Variants in CHST4 observed in about 807,000 individuals in gnomAD.
CHST4 encodes GST-3.
For synonymous variants in CHST4, 171 were observed against 195.5 expected (o/e 0.87, Z 1.05); for missense variants, 466 against 506.0 (o/e 0.92, Z 0.76).
rs1260089750 is a variant in CHST4 at position 71,537,184 on chromosome 16, C to T, written c.507C>T (p.Arg169=). ...QPFEVVEKAC[R]SYSHVVLKEV... is the part of the protein sequence containing the mutation. ...TTGAGGTGGTGGAGAAGGCCTGCCG[C>T]TCCTACAGCCACGTGGTGCTCAAGG... The change falls in exon 2 of 2, where the codon CGC becomes CGT. Residue 169 remains arginine, a synonymous_variant. Coordinates refer to ENST00000539698, the MANE Select transcript of CHST4 (RefSeq NM_001166395.2). This position sits in a 1 kb window ranked among gnomAD's most constrained non-coding sequence, Gnocchi z 4.2. 6.8e-6 allele frequency: 11 copies of T among 1,614,060 alleles called. No individual in the cohort carries two copies. The highest frequency in any genetic ancestry group is 9.3e-6 in the Non-Finnish European group (11 of 1,180,028).
At chr16:71,532,162 T>C (rs560062326) in intron 1 of CHST4, among the ~76,000 whole-genome samples, 24 of 151,344 alleles carry the variant, frequency 1.6e-4, no homozygotes, top group African/African-American at 5.6e-4. Flanking sequence ...GTTCTCCTGC[T>C]TCAGCCTCCC....
chr16:71,536,118 T>C (rs1362458115), intron 1 of CHST4, among the ~76,000 whole-genome samples: 1 of 152,186 alleles, frequency 6.6e-6, no homozygotes, highest in African/African-American at 2.4e-5. Context: ...AGTCCTGTGC[T>C]TAACTGCAGT....
At chr16:71,533,380 G>A (rs1247505291) in intron 1 of CHST4, among the ~76,000 whole-genome samples, 5 of 148,492 alleles carry the variant, frequency 3.4e-5, no homozygotes, top group African/African-American at 1.0e-4. Flanking sequence ...AACCGAGATC[G>A]CGCCAGTGTG....
intron 1 of CHST4, among the ~76,000 whole-genome samples, chr16:71,530,755 C>T (rs1041653378): frequency 4.7e-5 from 7 of 149,938 alleles, no homozygotes; most frequent in Admixed American, 1.3e-4. Flanking sequence ...CCCTGGGCAA[C>T]AGAGTGAGAC....
chr16:71,537,221 T>C lies in CHST4; in HGVS notation c.544T>C (p.Phe182Leu). ...SHVVLKEVRFFNLQSLYPLLK... is the reference protein window; with the variant it reads ...SHVVLKEVRFLNLQSLYPLLK... Reference sequence around the variant, plus strand: ...CGTGGTGCTCAAGGAGGTGCGCTTCTTCAACCTGCAGTCCCTCTACCCGCT... The same window carrying C: ...CGTGGTGCTCAAGGAGGTGCGCTTCCTCAACCTGCAGTCCCTCTACCCGCT... The change falls in exon 2 of 2, where the codon TTC becomes CTC. Residue 182 changes from phenylalanine (F) to leucine (L), a missense_variant. Physicochemically the swap from Phe to Leu is conservative, Grantham distance 22. Coordinates refer to ENST00000539698, the MANE Select transcript of CHST4 (RefSeq NM_001166395.2). The surrounding 1 kb of genome is among the most constrained non-coding windows in gnomAD (Gnocchi z 4.2). The C allele has an allele frequency of 6.2e-7, 1 of 1,614,166 alleles. No homozygotes were observed.
rs371127435 is a variant in CHST4 at position 71,536,951 on chromosome 16, A to T, written c.274A>T (p.Met92Leu). The change falls in exon 2 of 2, where the codon ATG becomes TTG. Residue 92 changes from methionine to leucine, a missense_variant. By Grantham distance (15) the Met-to-Leu change is conservative. Coordinates refer to ENST00000539698, the MANE Select transcript of CHST4 (RefSeq NM_001166395.2). ...FKQSTAWMLH[M>L]AVRDLIRAVF... is the part of the protein sequence containing the mutation. ...GCAGAGCACCGCCTGGATGCTGCAC[A>T]TGGCTGTGCGGGATCTGATACGGGC... The T allele has an allele frequency of 1.2e-6, 2 of 1,613,670 alleles. No homozygotes were observed. The highest frequency in any genetic ancestry group is 1.7e-6 in the Non-Finnish European group (2 of 1,179,732).
intron 1 of CHST4, among the ~76,000 whole-genome samples, chr16:71,530,180 G>A (rs1045502917): frequency 6.6e-6 from 1 of 152,046 alleles, no homozygotes; most frequent in African/African-American, 2.4e-5. Flanking sequence ...GAAAGAGACA[G>A]AACTTCTTTC....
At chr16:71,531,785 A>G (rs1181833597) in intron 1 of CHST4, among the ~76,000 whole-genome samples, 1 of 151,988 alleles carries the variant, frequency 6.6e-6, no homozygotes, top group Non-Finnish European at 1.5e-5. Flanking sequence ...TTCTATCACC[A>G]TTTCCTTATA....
Position 71,537,316 on chromosome 16 carries a change from C to T in CHST4, c.639C>T (p.Ser213=). Residue 213 remains serine, a synonymous_variant, in exon 2 of 2, where the codon TCC becomes TCT. Coordinates refer to ENST00000539698, the MANE Select transcript of CHST4 (RefSeq NM_001166395.2). This position sits in a 1 kb window ranked among gnomAD's most constrained non-coding sequence, Gnocchi z 4.2. ...GGGACCCCCGGGCCGTGTTCCGTTC[C>T]CGAGAACGCACAAAGGGAGATCTCA... ...LVRDPRAVFR[S]RERTKGDLMI... 1 of 1,614,172 alleles carries T rather than the reference C, an allele frequency of 6.2e-7. No homozygotes were observed. Among genetic ancestry groups the T allele is most frequent in the Non-Finnish European group, 8.5e-7 (1 of 1,180,032 alleles).
chr16:71,526,250 T>C (rs55676788), upstream of CHST4: 11,130 of 152,264 alleles, frequency 0.073, 548 homozygotes, highest in Non-Finnish European at 0.11. Flanking sequence ...GTCTCAGCAG[T>C]GTTAAAGCTG....
At position 71,537,729 on chromosome 16, in the gene CHST4, G is replaced by A. The variant is rs766369929; in HGVS notation, c.1052G>A (p.Gly351Asp). 1.2e-6 allele frequency: 2 copies of A among 1,614,216 alleles called. No individual in the cohort carries two copies. The highest frequency in any genetic ancestry group is 8.5e-7 in the Non-Finnish European group (1 of 1,180,044). The change falls in exon 2 of 2, where the codon GGC becomes GAC. Residue 351 changes from glycine to aspartate, a missense_variant. Transcript: ENST00000539698. The surrounding 1 kb of genome is among the most constrained non-coding windows in gnomAD (Gnocchi z 4.2). ...GTTTCTCGACTTCAGAAAGCCTGTG[G>A]CGATGCCATGAATTTGCTGGGCTAC... ...EKVSRLQKACGDAMNLLGYRH... is the reference protein window; with the variant it reads ...EKVSRLQKACDDAMNLLGYRH...
chr16:71,536,030 C>A (rs2145207189), intron 1 of CHST4, among the ~76,000 whole-genome samples: 1 of 152,278 alleles, frequency 6.6e-6, no homozygotes, highest in East Asian at 1.9e-4. Flanking sequence ...CCTGGCTCTG[C>A]CTTTGAGGAG....
Position 71,538,498 on chromosome 16 carries a change from A to C in CHST4, c.*660A>C, listed in dbSNP as rs140801632. On this transcript the variant is annotated 3_prime_UTR_variant, in exon 2 of 2. Coordinates refer to ENST00000539698, the MANE Select transcript of CHST4 (RefSeq NM_001166395.2). ...TGTGAAGCTGCCATCTGTTAATACT[A>C]AAATTCCCAAATAAGGTTCTGTTTA... The C allele has an allele frequency of 6.0e-6, 1 of 167,230 alleles. No individual in the cohort carries two copies. Among genetic ancestry groups the C allele is most frequent in the Non-Finnish European group, 1.5e-5 (1 of 68,124 alleles). 10.4% of individuals were successfully genotyped at this position (167,230 alleles called of 1,614,324 possible). A position where few individuals can be genotyped will look rare whatever the true frequency, so the allele number is the denominator to read the frequency against.
chr16:71,536,007 G>A (rs1597038467), intron 1 of CHST4, among the ~76,000 whole-genome samples: 1 of 152,158 alleles, frequency 6.6e-6, no homozygotes, highest in Non-Finnish European at 1.5e-5. Context: ...ATAGATGACA[G>A]GCACCATGAG....
Position 71,537,053 on chromosome 16 carries a change from T to A in CHST4, c.376T>A (p.Trp126Arg). The change falls in exon 2 of 2, where the codon TGG becomes AGG. Residue 126 changes from tryptophan (W) to arginine (R), a missense_variant. Transcript: ENST00000539698. The surrounding 1 kb of genome is among the most constrained non-coding windows in gnomAD (Gnocchi z 4.2). ...GPRRQSSLFQWENSRALCSAP... is the reference protein window; with the variant it reads ...GPRRQSSLFQRENSRALCSAP... ...CCGGAGACAGTCCAGCCTCTTTCAGTGGGAGAACAGCCGGGCCCTGTGTTC... is the reference window on the plus strand; with the variant it reads ...CCGGAGACAGTCCAGCCTCTTTCAGAGGGAGAACAGCCGGGCCCTGTGTTC... The A allele has an allele frequency of 6.2e-7, 1 of 1,614,108 alleles. No individual in the cohort carries two copies. Among genetic ancestry groups the A allele is most frequent in the African/African-American group, 1.3e-5 (1 of 75,016 alleles).
At chr16:71,531,923 C>T (rs1325578621) in intron 1 of CHST4, among the ~76,000 whole-genome samples, 1 of 152,042 alleles carries the variant, frequency 6.6e-6, no homozygotes, top group East Asian at 1.9e-4. Context: ...GCTAAAGTCA[C>T]CTCTTCAGTC....
In CHST4 at chr16:71,537,418, G is replaced by C. The variant is rs556276390; in HGVS notation, c.741G>C (p.Gln247His). 1.9e-6 allele frequency: 3 copies of C among 1,613,594 alleles called. No individual in the cohort carries two copies. Among genetic ancestry groups the C allele is most frequent in the South Asian group, 2.2e-5 (2 of 91,060 alleles). The change falls in exon 2 of 2, where the codon CAG (glutamine) becomes CAC (histidine). Residue 247 changes from glutamine to histidine, a missense_variant. Gln to His is a conservative substitution (Grantham distance 24). Coordinates refer to ENST00000539698, the MANE Select transcript of CHST4 (RefSeq NM_001166395.2). The surrounding 1 kb of genome is among the most constrained non-coding windows in gnomAD (Gnocchi z 4.2). ...KKEDQPYYVM[Q>H]VICQSQLEIY... Reference sequence around the variant, plus strand: ...AGGACCAACCCTACTATGTGATGCAGGTCATCTGCCAAAGCCAGCTGGAGA... The same window carrying C: ...AGGACCAACCCTACTATGTGATGCACGTCATCTGCCAAAGCCAGCTGGAGA...
At chr16:71,528,079 C>A (rs113481965) in intron 1 of CHST4, among the ~76,000 whole-genome samples, 9 of 152,070 alleles carry the variant, frequency 5.9e-5, no homozygotes, top group African/African-American at 2.2e-4. Context: ...AGTTCGAGAC[C>A]TGCCTGGCCA....
rs2044005448 is a variant in CHST4 at position 71,537,895 on chromosome 16, T to C, written c.*57T>C. 7 of 1,487,478 alleles carry C rather than the reference T, an allele frequency of 4.7e-6. No homozygotes were observed. The Middle Eastern group carries it at 8.9e-4, about 189-fold the overall frequency. 92.1% of individuals were successfully genotyped at this position (1,487,478 alleles called of 1,614,324 possible). A position where few individuals can be genotyped will look rare whatever the true frequency, so the allele number is the denominator to read the frequency against. ...GTCAGCCTCAGTCACTTTCTCTGAA[T>C]GCTTCTGAGCCTTGCCTACATCTCT... On this transcript the variant is annotated 3_prime_UTR_variant, in exon 2 of 2. Coordinates refer to ENST00000539698, the MANE Select transcript of CHST4 (RefSeq NM_001166395.2). The surrounding 1 kb of genome is among the most constrained non-coding windows in gnomAD (Gnocchi z 4.2).
Sources: allele counts gnomAD v4.1 joint callset (sites outside exome capture counted in the v4.1 genomes callset), GRCh38; gene constraint gnomAD v4.1.1; non-coding constraint Gnocchi (gnomAD v3.1); transcripts MANE v1.5; gene names NCBI Gene and HGNC (gene_info 2026-07-23, HGNC 2026-07-21).